Variants in PIP5K1C observed in about 807,000 individuals in gnomAD.
PIP5K1C encodes the protein phosphatidylinositol-4-phosphate 5-kinase type 1 gamma, also known as phosphatidylinositol 4-phosphate 5-kinase type-1 gamma.
In PIP5K1C, 45 loss-of-function variants were observed where a neutral mutation model predicts 80.1. That is an observed-to-expected ratio of 0.56 (90% CI 0.44 to 0.72). PIP5K1C has a LOEUF of 0.72. Among genes scored for constraint, PIP5K1C ranks in the 30% least tolerant of loss-of-function variants. The pLI is 0.00. For synonymous variants in PIP5K1C, 498 were observed against 420.1 expected (o/e 1.19, Z -2.27); for missense variants, 753 against 954.6 (o/e 0.79, Z 2.78).
At chr19:3,662,514 G>A (rs190073845) in intron 3 of PIP5K1C, among the ~76,000 whole-genome samples, 2 of 152,306 alleles carry the variant, frequency 1.3e-5, no homozygotes, top group East Asian at 3.9e-4. Context: ...ACAGGGATGG[G>A]CACAATGGTT....
intron 5 of PIP5K1C, among the ~76,000 whole-genome samples, chr19:3,658,764 G>A (rs960288758): frequency 6.6e-6 from 1 of 152,230 alleles, no homozygotes; most frequent in African/African-American, 2.4e-5. Flanking sequence ...GTTCGGCTTT[G>A]TACAAAGAAC....
intron 5 of PIP5K1C, among the ~76,000 whole-genome samples, chr19:3,659,056 G>A (rs1396138704): frequency 4.6e-5 from 7 of 152,148 alleles, no homozygotes; most frequent in African/African-American, 1.7e-4. Context: ...CCTGAGCTGT[G>A]GGCCTTCCTG....
intron 6 of PIP5K1C, among the ~76,000 whole-genome samples, 153 bp from the exon 7 acceptor site, chr19:3,653,742 G>C (rs1319900867): frequency 2.6e-5 from 4 of 152,138 alleles, no homozygotes; most frequent in African/African-American, 9.7e-5. Flanking sequence ...TCCTATGCAG[G>C]CACCCAGCTG....
chr19:3,653,635 A>G, intron 6 of PIP5K1C, 46 bp from the exon 7 acceptor site: 1 of 1,556,698 alleles, frequency 6.4e-7, no homozygotes. Context: ...TGGGCCACAG[A>G]CTCACGGGGG....
intron 8 of PIP5K1C, among the ~76,000 whole-genome samples, chr19:3,651,375 G>T (rs1231073675): frequency 6.6e-6 from 1 of 152,170 alleles, no homozygotes; most frequent in Admixed American, 6.5e-5. Flanking sequence ...TTTGATCTGT[G>T]TGGAATCGGA....
intron 3 of PIP5K1C, 123 bp downstream of exon 3, chr19:3,664,699 C>T: frequency 2.3e-6 from 2 of 855,794 alleles, no homozygotes; most frequent in East Asian, 4.9e-5. Context: ...ACAGCCCACA[C>T]CTGTCCCTGG....
intron 1 of PIP5K1C, among the ~76,000 whole-genome samples, chr19:3,668,091 C>A (rs2035074286): frequency 6.6e-6 from 1 of 151,970 alleles, no homozygotes; most frequent in Non-Finnish European, 1.5e-5. Flanking sequence ...GCAGCAGGGC[C>A]TGGGCCGCAG....
At chr19:3,667,624 G>A (rs544903223) in intron 1 of PIP5K1C, among the ~76,000 whole-genome samples, 78 of 152,366 alleles carry the variant, frequency 5.1e-4, no homozygotes, top group Non-Finnish European at 1.0e-3. Flanking sequence ...TCAGGGAGAT[G>A]GGCAGCTGGT....
chr19:3,680,710 T>C (rs2035565698), intron 1 of PIP5K1C, among the ~76,000 whole-genome samples: 1 of 152,210 alleles, frequency 6.6e-6, no homozygotes, highest in Non-Finnish European at 1.5e-5. Context: ...ATCTTTTCTG[T>C]TTATCCCTTA....
intron 1 of PIP5K1C, among the ~76,000 whole-genome samples, chr19:3,685,437 A>G (rs1346423257): frequency 1.3e-5 from 2 of 152,124 alleles, no homozygotes; most frequent in Non-Finnish European, 2.9e-5. Context: ...CCCACTAAAG[A>G]AAGTTTTATT....
At chr19:3,650,368 C>T (rs747152166) in intron 8 of PIP5K1C, among the ~76,000 whole-genome samples, 5 of 152,256 alleles carry the variant, frequency 3.3e-5, no homozygotes, top group South Asian at 2.1e-4. Context: ...AGTGAAGGCT[C>T]GGGCCTGCCC....
intron 1 of PIP5K1C, among the ~76,000 whole-genome samples, chr19:3,671,248 T>C (rs1352245973): frequency 6.6e-6 from 1 of 152,196 alleles, no homozygotes; most frequent in Non-Finnish European, 1.5e-5. Context: ...TTTTCCTCAG[T>C]GGCCCCGATG....
At chr19:3,697,892 C>T (rs1247910116) in intron 1 of PIP5K1C, among the ~76,000 whole-genome samples, 2 of 152,262 alleles carry the variant, frequency 1.3e-5, no homozygotes, top group Admixed American at 6.5e-5. Context: ...CCCACGGCCA[C>T]GGCCCATGGA....
chr19:3,643,900 C>T (rs2034092651), intron 12 of PIP5K1C, among the ~76,000 whole-genome samples, 187 bp downstream of exon 12: 2 of 152,140 alleles, frequency 1.3e-5, no homozygotes, highest in Non-Finnish European at 2.9e-5. Context: ...GCCTTCTATA[C>T]TCAGCTCCCC....
chr19:3,636,845 C>T, intron 16 of PIP5K1C: 1 of 993,160 alleles, frequency 1.0e-6, no homozygotes, highest in Non-Finnish European at 1.2e-6. Flanking sequence ...GGGCAGGTCT[C>T]TTAGGCTCTC....
chr19:3,646,750 A>G (rs916843018), intron 10 of PIP5K1C, among the ~76,000 whole-genome samples: 1 of 152,096 alleles, frequency 6.6e-6, no homozygotes, highest in Non-Finnish European at 1.5e-5. Context: ...GACCTTCTAC[A>G]CGCTCTTTTG....
At chr19:3,650,462 C>G (rs1182987064) in intron 8 of PIP5K1C, among the ~76,000 whole-genome samples, 2 of 152,254 alleles carry the variant, frequency 1.3e-5, no homozygotes, top group African/African-American at 4.8e-5. Flanking sequence ...GGGGCCATGT[C>G]TGGGGACATC....
At chr19:3,695,018 CAA>C (rs1199989357) in intron 1 of PIP5K1C, among the ~76,000 whole-genome samples, 1 of 152,272 alleles carries the variant, frequency 6.6e-6, no homozygotes, top group Non-Finnish European at 1.5e-5. Context: ...GGCAACGGAA[CAA>C]ATGGTGTGGC....
chr19:3,666,179 C>T (rs566495093), intron 2 of PIP5K1C, among the ~76,000 whole-genome samples: 3 of 152,356 alleles, frequency 2.0e-5, no homozygotes, highest in Admixed American at 6.5e-5. Flanking sequence ...TGGCTACGGA[C>T]GCAGGGCCAA....
Sources: allele counts gnomAD v4.1 joint callset (sites outside exome capture counted in the v4.1 genomes callset), GRCh38; gene constraint gnomAD v4.1.1; transcripts MANE v1.5; gene names NCBI Gene and HGNC (gene_info 2026-07-23, HGNC 2026-07-21).